Variants in NDUFAF7 observed in about 807,000 individuals in gnomAD.
The protein encoded by NDUFAF7 is NADH:ubiquinone oxidoreductase complex assembly factor 7, also known as protein arginine methyltransferase NDUFAF7, mitochondrial.
In NDUFAF7, 48 loss-of-function variants were observed where a neutral mutation model predicts 47.2. The ratio of observed to expected loss-of-function variants is 1.02; its 90% CI spans 0.81 to 1.29. NDUFAF7 has a LOEUF of 1.29. Ranked by LOEUF, NDUFAF7 falls within the 50% of genes most tolerant of loss-of-function variation. The pLI, the probability that NDUFAF7 is intolerant of heterozygous loss-of-function variation, is 0.00. For missense variants in NDUFAF7, 635 were observed against 537.6 expected (o/e 1.18, Z -1.79); for synonymous variants, 217 against 190.0 (o/e 1.14, Z -1.17).
At chr2:37,243,994 G>GT in intron 7 of NDUFAF7, 21 bp downstream of exon 7, 2 of 1,550,646 alleles carry the variant, frequency 1.3e-6, no homozygotes, top group Non-Finnish European at 1.8e-6. Context: ...GCTTTTTTAA[G>GT]TTTCTTTTAT....
At chr2:37,234,577 A>G (rs1329186838) in intron 2 of NDUFAF7, among the ~76,000 whole-genome samples, 2 of 152,188 alleles carry the variant, frequency 1.3e-5, no homozygotes, top group Non-Finnish European at 2.9e-5. Context: ...ATACCCCAAT[A>G]ATGTTTCCTT....
At chr2:37,235,270 A>C (rs915576434) in intron 2 of NDUFAF7, among the ~76,000 whole-genome samples, 4 of 152,136 alleles carry the variant, frequency 2.6e-5, no homozygotes, top group South Asian at 2.1e-4. Context: ...AAAAAAAAAA[A>C]CAACCCTTTT....
downstream of NDUFAF7, among the ~76,000 whole-genome samples, chr2:37,249,643 G>GACACAC (rs56208997): frequency 0.015 from 2,050 of 132,600 alleles, 39 homozygotes; most frequent in Middle Eastern, 0.047. Flanking sequence ...CTGTGATAGA[G>GACACAC]ACACACACAC....
intron 4 of NDUFAF7, among the ~76,000 whole-genome samples, 182 bp downstream of exon 4, chr2:37,238,049 G>C (rs1665974216): frequency 6.6e-6 from 1 of 152,114 alleles, no homozygotes; most frequent in African/African-American, 2.4e-5. Context: ...AAAAATTGGA[G>C]GGGAGGGGGA....
intron 8 of NDUFAF7, 148 bp downstream of exon 8, chr2:37,246,343 A>ACCCT: frequency 3.1e-6 from 3 of 968,600 alleles, no homozygotes; most frequent in Non-Finnish European, 4.7e-6. Context: ...ATTCCCCTTA[A>ACCCT]CCCTAGTTCT....
chr2:37,253,404 C>T (rs533306878), downstream of NDUFAF7: 25 of 1,485,530 alleles, frequency 1.7e-5, no homozygotes, highest in East Asian at 5.8e-4. Flanking sequence ...ATACTGTCAA[C>T]CTGGTTTTTG....
intron 5 of NDUFAF7, 26 bp from the exon 6 acceptor site, chr2:37,242,609 T>A (rs1666469280): frequency 1.3e-6 from 2 of 1,527,624 alleles, no homozygotes; most frequent in Admixed American, 3.4e-5. Flanking sequence ...TGTGGAAACA[T>A]TAATTGTTTT....
Position 37,237,879 on chromosome 2 carries a change from A to T in NDUFAF7, c.408+12A>T, listed in dbSNP as rs1469157241. 1 of 1,548,400 alleles carries T rather than the reference A, an allele frequency of 6.5e-7. No individual in the cohort carries two copies. The highest frequency in any genetic ancestry group is 8.9e-7 in the Non-Finnish European group (1 of 1,120,610). ...GAGATATTTTGAGGGTAGGTAATAA[A>T]AGAATGTCTTCTAGTCTCATATAAG... On this transcript the variant is annotated intron_variant, in intron 4 of 9. Transcript: ENST00000002125.
chr2:37,257,448 G>A (rs1035626941), downstream of NDUFAF7, among the ~76,000 whole-genome samples: 1 of 151,904 alleles, frequency 6.6e-6, no homozygotes, highest in Non-Finnish European at 1.5e-5. Context: ...GGCGGATCAC[G>A]AGGTCAGGAG....
rs557602218 is a variant in NDUFAF7, at chr2:37,234,412, A to C, written c.217-1684A>C. 5.3e-5 allele frequency among the ~76,000 whole-genome samples: 8 copies of C among 152,094 alleles called. No homozygotes were observed. In the East Asian group the frequency reaches 1.4e-3, roughly 26 times the overall value. On this transcript the variant is annotated intron_variant, in intron 2 of 9. Transcript: ENST00000002125. The stretch of plus-strand genomic sequence containing the variant: ...CGGCCTAATTATATTTTTTTAATAC[A>C]CTAGTAAAGAAGTGTATATATCACA...
At chr2:37,244,546 G>A (rs1329006546) in intron 7 of NDUFAF7, among the ~76,000 whole-genome samples, 2 of 150,016 alleles carry the variant, frequency 1.3e-5, no homozygotes, top group Non-Finnish European at 2.9e-5. Context: ...GCAAGAGCCT[G>A]TCTATTGTGG....
the NDUFAF7 span, chr2:37,268,613 G>A: frequency 7.6e-6 from 2 of 261,962 alleles, no homozygotes; most frequent in African/African-American, 4.6e-5. Flanking sequence ...TTATTTGATG[G>A]AGAAATAGGT....
rs888880155 is a variant in NDUFAF7, at chr2:37,247,218, T to C, written c.937-238T>C. ...GTCTACGTTGCTGAAAAGGACGTGATTTCATTTTTTTTTATGGCTGTGTAG... is the reference window on the plus strand; with the variant it reads ...GTCTACGTTGCTGAAAAGGACGTGACTTCATTTTTTTTTATGGCTGTGTAG... On this transcript the variant is annotated intron_variant, in intron 8 of 9. Transcript: ENST00000002125. The C allele has an allele frequency of 6.4e-5, 36 of 562,374 alleles. 1 individual carries two copies. In the South Asian group the frequency reaches 7.4e-4, roughly 12 times the overall value. The allele number at this position is 562,374 out of a possible 1,614,324, so 34.8% of individuals were successfully genotyped here. A position where few individuals can be genotyped will look rare whatever the true frequency, so the allele number is the denominator to read the frequency against.
At chr2:37,239,529 G>A (rs561643194) in intron 4 of NDUFAF7, among the ~76,000 whole-genome samples, 21 of 152,316 alleles carry the variant, frequency 1.4e-4, no homozygotes, top group African/African-American at 2.9e-4. Flanking sequence ...AGAAACTAGT[G>A]TATATGTGTA....
Position 37,248,268 on chromosome 2 carries a change from G to A in NDUFAF7, c.1244G>A (p.Gly415Asp). 1 of 1,614,112 alleles carries A rather than the reference G, an allele frequency of 6.2e-7. No homozygotes were observed. The highest frequency in any genetic ancestry group is 8.5e-7 in the Non-Finnish European group (1 of 1,179,984). ...FALLPHQRLQ[G>D]GRYQRNARQS... is the part of the protein sequence containing the mutation. The stretch of plus-strand genomic sequence containing the variant: ...TTGCTACCTCATCAGAGACTTCAAG[G>A]TGGAAGATATCAGAGGAATGCACGT... The change falls in exon 10 of 10, where the codon GGT (glycine) becomes GAT (aspartate). Residue 415 changes from glycine (G) to aspartate (D), a missense_variant. Physicochemically the swap from Gly to Asp is moderately conservative, Grantham distance 94 (BLOSUM62 -1). Transcript: ENST00000002125.
At chr2:37,256,977 G>A (rs1471838173), downstream of NDUFAF7, 1 of 1,582,888 alleles carries the variant, frequency 6.3e-7, no homozygotes, top group Non-Finnish European at 8.7e-7. Context: ...TGTTATATAT[G>A]TAACTACCTG....
At chr2:37,260,434 T>G in the NDUFAF7 span, 3 of 1,499,858 alleles carry the variant, frequency 2.0e-6, no homozygotes, top group South Asian at 3.4e-5. Flanking sequence ...AGAAACAGTT[T>G]TACTAATATC....
At position 37,247,313 on chromosome 2, in the gene NDUFAF7, G is replaced by T. The variant is rs188327480; in HGVS notation, c.937-143G>T. On this transcript the variant is annotated intron_variant, in intron 8 of 9. Coordinates refer to ENST00000002125, the MANE Select transcript of NDUFAF7 (RefSeq NM_144736.5). ...ATATACTTTGTAAAACACTGCCTAGGTGTTCCCTGCCTAGAGAATTAATGA... is the reference window on the plus strand; with the variant it reads ...ATATACTTTGTAAAACACTGCCTAGTTGTTCCCTGCCTAGAGAATTAATGA... The T allele has an allele frequency of 2.8e-4, 269 of 969,504 alleles. 1 individual carries two copies. Among genetic ancestry groups the T allele is most frequent in the Admixed American group, 2.5e-4 (12 of 47,116 alleles). The allele number at this position is 969,504 out of a possible 1,614,324, so 60.1% of individuals were successfully genotyped here.
chr2:37,269,892 T>G, the NDUFAF7 span, among the ~76,000 whole-genome samples: 1 of 152,204 alleles, frequency 6.6e-6, no homozygotes, highest in Non-Finnish European at 1.5e-5. Context: ...GTATAATGTA[T>G]TGTGCAAGAC....
Sources: gnomAD v4.1 joint callset for allele counts (sites outside exome capture counted in the v4.1 genomes callset) on GRCh38, gnomAD v4.1.1 for gene constraint, MANE v1.5 for transcripts, NCBI Gene and HGNC (gene_info 2026-07-23, HGNC 2026-07-21) for gene names.